The following PCDH15 variants were observed in gnomAD, a reference collection of about 807,000 sequenced individuals.
The protein encoded by PCDH15 is protocadherin related 15, also known as protocadherin-15.
Under a neutral mutation model 178.5 loss-of-function variants are expected in PCDH15, and 129 were observed. That is an observed-to-expected ratio of 0.72 (90% CI 0.63 to 0.84). PCDH15 has a LOEUF of 0.84. PCDH15 is among the 40% of genes least tolerant of loss of function. The pLI is 0.00. For missense variants in PCDH15, 2,230 were observed against 2,099.9 expected (o/e 1.06, Z -1.21); for synonymous variants, 800 against 732.0 (o/e 1.09, Z -1.50).
chr10:55,510,500 C>T (rs1436286562), intron 2 of PCDH15, among the ~76,000 whole-genome samples: 3 of 151,790 alleles, frequency 2.0e-5, no homozygotes, highest in Non-Finnish European at 2.9e-5. Flanking sequence ...GTTTCTAAAC[C>T]TCAAATATTT....
intron 8 of PCDH15, among the ~76,000 whole-genome samples, chr10:54,272,128 C>T (rs1975410): frequency 0.66 from 98,978 of 148,874 alleles, 33,807 homozygotes; most frequent in Middle Eastern, 0.78. Flanking sequence ...ATAAATTCAC[C>T]TAGTATTTTT....
At chr10:54,289,919 G>T (rs2059283606) in intron 8 of PCDH15, among the ~76,000 whole-genome samples, 1 of 152,182 alleles carries the variant, frequency 6.6e-6, no homozygotes, top group Non-Finnish European at 1.5e-5. Flanking sequence ...ATCTACATTT[G>T]ATTGGTGTAC....
intron 28 of PCDH15, among the ~76,000 whole-genome samples, chr10:53,855,722 C>A (rs1048496988): frequency 2.0e-5 from 3 of 151,366 alleles, no homozygotes; most frequent in African/African-American, 7.3e-5. Context: ...CGATAATTGA[C>A]CTCTGTCAAA....
chr10:53,960,476 T>C (rs2134284020), intron 22 of PCDH15, among the ~76,000 whole-genome samples: 1 of 152,306 alleles, frequency 6.6e-6, no homozygotes, highest in Admixed American at 6.5e-5. Flanking sequence ...GAAAAAGCTT[T>C]AGTGTTGAGA....
At position 55,418,973 on chromosome 10, in the gene PCDH15, T is replaced by G. The variant is rs979092108; in HGVS notation, c.-156+208652A>C. 2.3e-4 allele frequency among the ~76,000 whole-genome samples: 35 copies of G among 151,932 alleles called. 1 individual carries two copies. Among genetic ancestry groups the G allele is most frequent in the African/African-American group, 8.2e-4 (34 of 41,530 alleles). On this transcript the variant is annotated intron_variant, in intron 2 of 5. Coordinates refer to the PCDH15 transcript ENST00000613346. The stretch of plus-strand genomic sequence containing the variant: ...CTACTTTTGAAAACATTATAATATC[T>G]ACGTATTATATTTGTTTTATAAGGT...
At chr10:55,443,473 G>A (rs190673132) in intron 2 of PCDH15, among the ~76,000 whole-genome samples, 126 of 152,194 alleles carry the variant, frequency 8.3e-4, no homozygotes, top group African/African-American at 2.5e-3. Context: ...GTGGGCAAAG[G>A]TTATGAACAG....
At chr10:55,424,891 TAAAAA>T (rs71735262) in intron 2 of PCDH15, among the ~76,000 whole-genome samples, 35,614 of 151,276 alleles carry the variant, frequency 0.24, 4,611 homozygotes, top group African/African-American at 0.35. Flanking sequence ...ATGTGGCAAT[TAAAAA>T]AAAGTGTGAT....
intron 2 of PCDH15, among the ~76,000 whole-genome samples, chr10:55,398,385 AT>A (rs1235156407): frequency 6.6e-6 from 1 of 152,070 alleles, no homozygotes; most frequent in Non-Finnish European, 1.5e-5. Context: ...GCACTTTGGT[AT>A]TTTTCTGATC....
chr10:55,151,320 A>C (rs1226904382), intron 2 of PCDH15, among the ~76,000 whole-genome samples: 1 of 152,112 alleles, frequency 6.6e-6, no homozygotes, highest in African/African-American at 2.4e-5. Flanking sequence ...TTTCTTCAAA[A>C]ACTTTGAGCA....
At chr10:55,250,517 A>G (rs1841807361) in intron 1 of PCDH15, among the ~76,000 whole-genome samples, 1 of 150,384 alleles carries the variant, frequency 6.6e-6, no homozygotes, top group South Asian at 2.1e-4. Flanking sequence ...AAATGACCTA[A>G]GAAATTTAAA....
At chr10:55,244,867 G>A (rs928419172) in intron 1 of PCDH15, among the ~76,000 whole-genome samples, 3 of 151,622 alleles carry the variant, frequency 2.0e-5, no homozygotes, top group Admixed American at 6.6e-5. Context: ...TCACTTTATC[G>A]AAGATATGGT....
At chr10:54,687,678 C>A (rs951743836) in intron 1 of PCDH15, among the ~76,000 whole-genome samples, 1 of 152,022 alleles carries the variant, frequency 6.6e-6, no homozygotes, top group Non-Finnish European at 1.5e-5. Flanking sequence ...TAGCTAGAAA[C>A]CTCGTTTTTC....
intron 2 of PCDH15, among the ~76,000 whole-genome samples, chr10:55,121,937 C>A (rs1303322361): frequency 1.3e-5 from 2 of 152,042 alleles, no homozygotes; most frequent in Non-Finnish European, 2.9e-5. Flanking sequence ...TATGAATTGC[C>A]CAGTCCAAGG....
At chr10:55,510,578 T>C (rs145884943) in intron 2 of PCDH15, among the ~76,000 whole-genome samples, 165 of 152,106 alleles carry the variant, frequency 1.1e-3, no homozygotes, top group African/African-American at 3.9e-3. Context: ...TAACTTCTGC[T>C]AAGTATAGAT....
chr10:54,786,631 T>C (rs960978116), intron 1 of PCDH15, among the ~76,000 whole-genome samples: 7 of 151,972 alleles, frequency 4.6e-5, no homozygotes, highest in African/African-American at 1.7e-4. Context: ...ATAAGAAAGA[T>C]ACGTTTTTAT....
chr10:54,723,819 C>T (rs1467571173), intron 1 of PCDH15, among the ~76,000 whole-genome samples: 3 of 151,628 alleles, frequency 2.0e-5, no homozygotes, highest in African/African-American at 7.3e-5. Flanking sequence ...CAGAGAAATG[C>T]AAGTTAAAAT....
chr10:54,924,711 T>C (rs1837574830), intron 2 of PCDH15, among the ~76,000 whole-genome samples: 1 of 152,230 alleles, frequency 6.6e-6, no homozygotes, highest in Non-Finnish European at 1.5e-5. Flanking sequence ...GTTGAGCTTT[T>C]TAAAATATAA....
intron 2 of PCDH15, among the ~76,000 whole-genome samples, chr10:55,422,130 C>T (rs1292279600): frequency 6.7e-6 from 1 of 150,082 alleles, no homozygotes; most frequent in Non-Finnish European, 1.5e-5. Flanking sequence ...TTCACCGCTA[C>T]CCACAGCCCA....
intron 14 of PCDH15, among the ~76,000 whole-genome samples, chr10:54,138,155 A>G (rs572917130): frequency 2.0e-5 from 3 of 152,264 alleles, no homozygotes; most frequent in East Asian, 3.9e-4. Flanking sequence ...AACAAGCCCA[A>G]ATGACTGAAA....
Sources: gnomAD v4.1 joint callset for allele counts (sites outside exome capture counted in the v4.1 genomes callset) on GRCh38, gnomAD v4.1.1 for gene constraint, MANE v1.5 for transcripts, NCBI Gene and HGNC (gene_info 2026-07-23, HGNC 2026-07-21) for gene names.